The following CNTN5 variants were observed in gnomAD, a reference collection of about 807,000 sequenced individuals.
CNTN5 encodes contactin 5, also known as contactin-5.
Under a neutral mutation model 129.1 loss-of-function variants are expected in CNTN5, and 77 were observed. The ratio of observed to expected loss-of-function variants is 0.60; its 90% confidence interval spans 0.50 to 0.72. The LOEUF is 0.72. CNTN5 is among the 30% of genes least tolerant of loss of function. The pLI is 0.00. For synonymous variants in CNTN5, 509 were observed against 465.6 expected (o/e 1.09, Z -1.20); for missense variants, 1,478 against 1,328.8 (o/e 1.11, Z -1.75).
At chr11:99,746,222 G>C (rs989541529) in intron 3 of CNTN5, among the ~76,000 whole-genome samples, 7 of 152,156 alleles carry the variant, frequency 4.6e-5, no homozygotes, top group Non-Finnish European at 1.0e-4. Context: ...ACTTCCATTT[G>C]TCTTTAGCAA....
chr11:99,260,215 AAG>A (rs1405219462), intron 1 of CNTN5, among the ~76,000 whole-genome samples: 3 of 151,762 alleles, frequency 2.0e-5, no homozygotes, highest in Non-Finnish European at 4.4e-5. Context: ...GTTTACATGT[AAG>A]CATTTCATTC....
chr11:99,577,006 GA>G (rs1034517189), intron 3 of CNTN5, among the ~76,000 whole-genome samples: 2 of 152,006 alleles, frequency 1.3e-5, no homozygotes, highest in African/African-American at 4.8e-5. Context: ...ACAATAAAGG[GA>G]AAAAATGTTG....
intron 2 of CNTN5, among the ~76,000 whole-genome samples, chr11:99,416,036 CCATTTGTATGTG>C (rs1437815118): frequency 7.9e-5 from 12 of 152,122 alleles, no homozygotes; most frequent in Admixed American, 7.9e-4. Context: ...ACCTGATTTT[CCATTTGTATGTG>C]CATTTCTTCC....
chr11:99,667,559 T>C (rs548221063), intron 3 of CNTN5, among the ~76,000 whole-genome samples: 14 of 152,304 alleles, frequency 9.2e-5, no homozygotes, highest in African/African-American at 3.1e-4. Context: ...TCAATAAATG[T>C]AAATTGAAAT....
intron 3 of CNTN5, among the ~76,000 whole-genome samples, chr11:99,766,238 C>T (rs1436675477): frequency 6.6e-6 from 1 of 151,980 alleles, no homozygotes; most frequent in African/African-American, 2.4e-5. Flanking sequence ...GATTGGAATG[C>T]AAACATATTT....
At position 99,229,580 on chromosome 11, in the gene CNTN5, T is replaced by C. The variant is rs532456856; in HGVS notation, c.-209-95766T>C. Reference sequence around the variant, plus strand: ...AGGTCAATAAAAGGGAAAGAAAGAGTAAAACACAGTTTATTTCCAGGAAAG... The same window carrying C: ...AGGTCAATAAAAGGGAAAGAAAGAGCAAAACACAGTTTATTTCCAGGAAAG... On this transcript the variant is annotated intron_variant, in intron 1 of 24. Coordinates refer to ENST00000524871, the MANE Select transcript of CNTN5 (RefSeq NM_014361.4). 1.2e-3 allele frequency among the ~76,000 whole-genome samples: 167 copies of C among 139,438 alleles called. 1 individual carries two copies. The Middle Eastern group carries it at 0.021, about 18-fold the overall frequency. The allele number at this position is 139,438 out of a possible 152,430, so 91.5% of individuals were successfully genotyped here. A position where few individuals can be genotyped will look rare whatever the true frequency, so the allele number is the denominator to read the frequency against.
At chr11:100,071,534 A>G (rs1426603758) in intron 11 of CNTN5, among the ~76,000 whole-genome samples, 171 bp from the exon 12 acceptor site, 2 of 152,228 alleles carry the variant, frequency 1.3e-5, no homozygotes, top group Non-Finnish European at 2.9e-5. Flanking sequence ...ATAATTTACA[A>G]GTGGCATGTT....
At chr11:100,270,926 T>C (rs1378134567) in intron 17 of CNTN5, among the ~76,000 whole-genome samples, 166 bp from the exon 18 acceptor site, 2 of 152,198 alleles carry the variant, frequency 1.3e-5, no homozygotes, top group Non-Finnish European at 2.9e-5. Flanking sequence ...TCCCTGAAGA[T>C]TGATTTTCAT....
intron 7 of CNTN5, among the ~76,000 whole-genome samples, chr11:99,955,725 AT>A (rs1208560453): frequency 1.5e-3 from 220 of 145,848 alleles, no homozygotes; most frequent in East Asian, 4.0e-3. Flanking sequence ...GGCCCGGCTA[AT>A]TTTTTTTTTT....
At chr11:99,783,538 T>C (rs1184722169) in intron 3 of CNTN5, among the ~76,000 whole-genome samples, 4 of 83,308 alleles carry the variant, frequency 4.8e-5, no homozygotes, top group Non-Finnish European at 7.3e-5. Context: ...TATTGTGGCA[T>C]TATTCACAAT....
chr11:99,336,331 G>A (rs563524749), intron 2 of CNTN5, among the ~76,000 whole-genome samples: 2 of 152,178 alleles, frequency 1.3e-5, no homozygotes, highest in East Asian at 3.9e-4. Flanking sequence ...GGCCTCAAAC[G>A]GGTATGCCAC....
intron 1 of CNTN5, among the ~76,000 whole-genome samples, chr11:99,216,631 A>G (rs1259088875): frequency 6.6e-6 from 1 of 152,198 alleles, no homozygotes; most frequent in East Asian, 1.9e-4. Context: ...ATAAAAATTA[A>G]TATGGATTAA....
chr11:99,901,217 A>G (rs376073716), intron 6 of CNTN5, among the ~76,000 whole-genome samples: 20 of 152,256 alleles, frequency 1.3e-4, no homozygotes, highest in African/African-American at 4.6e-4. Flanking sequence ...AATACTTTTT[A>G]AATGTTTTGG....
intron 8 of CNTN5, among the ~76,000 whole-genome samples, chr11:99,966,881 A>G (rs1034494733): frequency 5.3e-5 from 8 of 152,132 alleles, no homozygotes; most frequent in African/African-American, 1.9e-4. Context: ...CATATATATG[A>G]ATATGTATCT....
chr11:99,182,426 G>T (rs551828955), intron 1 of CNTN5, among the ~76,000 whole-genome samples: 1 of 151,746 alleles, frequency 6.6e-6, no homozygotes, highest in East Asian at 2.0e-4. Context: ...CTGGGGATTA[G>T]CTGGCAGAGT....
chr11:100,298,266 T>C (rs753580936), intron 19 of CNTN5, among the ~76,000 whole-genome samples: 4 of 151,476 alleles, frequency 2.6e-5, no homozygotes, highest in Non-Finnish European at 4.4e-5. Context: ...GTAAGAATTA[T>C]TCCATGAGCA....
rs184503024 is a variant in CNTN5 at position 100,072,017 on chromosome 11, G to A, written c.1429+183G>A. Among the ~76,000 whole-genome samples the A allele has an allele frequency of 1.6e-3, 239 of 151,828 alleles. 1 individual carries two copies. The highest frequency in any genetic ancestry group is 2.4e-3 in the Non-Finnish European group (163 of 67,946). On this transcript the variant is annotated intron_variant, in intron 12 of 24. Transcript: ENST00000524871. ...GACAGGTTTATGTTGTGTATAGTTC[G>A]TCCCATAACTTTTTGTTCATATAGT... is the stretch of plus-strand genomic sequence containing the variant.
intron 3 of CNTN5, among the ~76,000 whole-genome samples, chr11:99,751,269 G>A (rs1944226241): frequency 6.6e-6 from 1 of 152,128 alleles, no homozygotes; most frequent in Non-Finnish European, 1.5e-5. Flanking sequence ...CTTGTGAGGC[G>A]AAGGTTGCAG....
chr11:99,489,009 C>T (rs1945929881), intron 2 of CNTN5, among the ~76,000 whole-genome samples: 1 of 152,000 alleles, frequency 6.6e-6, no homozygotes, highest in East Asian at 1.9e-4. Context: ...AGCAGAAGAT[C>T]TCAAGAGAGC....
Sources: allele counts gnomAD v4.1 joint callset (sites outside exome capture counted in the v4.1 genomes callset), GRCh38; gene constraint gnomAD v4.1.1; transcripts MANE v1.5; gene names NCBI Gene and HGNC (gene_info 2026-07-23, HGNC 2026-07-21).